Variants in CEPT1 observed in about 807,000 individuals in gnomAD.
CEPT1 encodes choline/ethanolamine phosphotransferase 1, also known as choline/ethanolaminephosphotransferase 1.
A neutral mutation model predicts 42.6 loss-of-function variants in CEPT1; 7 were observed. That is an observed-to-expected ratio of 0.16 (90% confidence interval 0.09 to 0.31). The LOEUF (loss-of-function observed/expected upper bound fraction) is 0.31. Ranked by LOEUF, CEPT1 falls within the 10% of genes least tolerant of loss-of-function variation. The probability of loss-of-function intolerance (pLI) is 1.00; values close to 1 mark genes in which losing one functional copy is unlikely to be tolerated. For missense variants in CEPT1, 306 were observed against 502.1 expected, an observed-to-expected ratio of 0.61 and a Z score of 3.73; for synonymous variants, 171 against 171.9, an observed-to-expected ratio of 0.99 and a Z score of 0.04.
At chr1:111,159,299 C>T in intron 2 of CEPT1, 81 bp from the exon 3 acceptor site, 1 of 1,376,918 alleles carries the variant, frequency 7.3e-7, no homozygotes, top group South Asian at 1.3e-5. Context: ...ACTAGCTTTC[C>T]AACCTGCAGG....
At chr1:111,172,731 A>G (rs139540970) in intron 4 of CEPT1, among the ~76,000 whole-genome samples, 243 of 152,310 alleles carry the variant, frequency 1.6e-3, no homozygotes, top group African/African-American at 5.6e-3. Context: ...TCCAGGAGTG[A>G]TGATAGGCAG....
At chr1:111,149,080 A>G (rs954909542) in intron 2 of CEPT1, among the ~76,000 whole-genome samples, 1 of 152,056 alleles carries the variant, frequency 6.6e-6, no homozygotes, top group Non-Finnish European at 1.5e-5. Context: ...GTTTTCATCA[A>G]TTTGTCTGTT....
At position 111,162,236 on chromosome 1, in the gene CEPT1, G is replaced by A. The variant is rs372357665; in HGVS notation, c.629+940G>A. ...GATCAGTCTGGCAGTAAGGCAGAGG[G>A]TAAATTGTAGTAGGCTGTGACAGAA... is the stretch of plus-strand genomic sequence containing the variant. On this transcript the variant is annotated intron_variant, in intron 4 of 8. Coordinates refer to ENST00000357172, the MANE Select transcript of CEPT1 (RefSeq NM_006090.5). Among the ~76,000 whole-genome samples, 271 of 152,342 alleles carry A rather than the reference G, an allele frequency of 1.8e-3. 1 individual carries two copies. Among genetic ancestry groups the A allele is most frequent in the African/African-American group, 6.3e-3 (261 of 41,578 alleles).
intron 4 of CEPT1, 69 bp from the exon 5 acceptor site, chr1:111,174,810 A>T (rs1656596413): frequency 1.1e-6 from 1 of 944,556 alleles, no homozygotes; most frequent in Non-Finnish European, 1.7e-6. Context: ...AATGCTGCTA[A>T]GCTTGCAAGT....
At chr1:111,159,284 T>C (rs1169738310) in intron 2 of CEPT1, 96 bp from the exon 3 acceptor site, 10 of 1,158,562 alleles carry the variant, frequency 8.6e-6, no homozygotes, top group Non-Finnish European at 1.2e-5. Context: ...CTCCCATAGC[T>C]TCCAACTAGC....
intron 2 of CEPT1, 120 bp downstream of exon 2, chr1:111,148,173 T>C: frequency 4.0e-6 from 3 of 741,126 alleles, no homozygotes; most frequent in Non-Finnish European, 6.7e-6. Context: ...TTTTAAAATA[T>C]CACACACACT....
chr1:111,169,626 ATT>A lies in CEPT1; in HGVS notation c.630-5250_630-5249del, dbSNP rs112109864. On this transcript the variant is annotated intron_variant, in intron 4 of 8. Coordinates refer to ENST00000357172, the MANE Select transcript of CEPT1 (RefSeq NM_006090.5). ...TTTTACCAGTTGCTAACTTGCAGAGATTTTCTTTTGCTTTTAATACTTATTGC... is the reference window on the plus strand; with the variant it reads ...TTTTACCAGTTGCTAACTTGCAGAGATTCTTTTGCTTTTAATACTTATTGC... Among the ~76,000 whole-genome samples, 491 of 152,122 alleles carry A rather than the reference ATT, an allele frequency of 3.2e-3. 3 individuals are homozygous for A. Among genetic ancestry groups the A allele is most frequent in the Middle Eastern group, 0.017 (5 of 292 alleles).
At chr1:111,166,644 G>A (rs745652737) in intron 4 of CEPT1, among the ~76,000 whole-genome samples, 1 of 152,120 alleles carries the variant, frequency 6.6e-6, no homozygotes, top group African/African-American at 2.4e-5. Flanking sequence ...GTGTGGTGAG[G>A]CTTGGGACAG....
At chr1:111,184,168 G>A (rs1280535836) in intron 8 of CEPT1, 23 bp from the exon 9 acceptor site, 1 of 1,611,794 alleles carries the variant, frequency 6.2e-7, no homozygotes, top group Non-Finnish European at 8.5e-7. Context: ...AACGGGTGCT[G>A]AGAATGTCTC....
At chr1:111,148,282 A>G (rs938719601) in intron 2 of CEPT1, among the ~76,000 whole-genome samples, 1 of 152,054 alleles carries the variant, frequency 6.6e-6, no homozygotes, top group African/African-American at 2.4e-5. Context: ...GTTAGCAGGG[A>G]TTAACATGTA....
At chr1:111,170,459 C>G (rs1251300583) in intron 4 of CEPT1, among the ~76,000 whole-genome samples, 2 of 152,108 alleles carry the variant, frequency 1.3e-5, no homozygotes, top group Non-Finnish European at 2.9e-5. Context: ...ATTTATAACA[C>G]TTGAATTAAA....
intron 5 of CEPT1, among the ~76,000 whole-genome samples, chr1:111,177,239 C>A (rs187279142): frequency 2.0e-5 from 3 of 152,160 alleles, no homozygotes; most frequent in Non-Finnish European, 2.9e-5. Context: ...GGTGTACTTA[C>A]GTGACAGGAT....
chr1:111,176,811 A>G (rs1386224884), intron 5 of CEPT1, among the ~76,000 whole-genome samples: 1 of 152,218 alleles, frequency 6.6e-6, no homozygotes, highest in African/African-American at 2.4e-5. Flanking sequence ...TCAGAAAGCA[A>G]AAGTGTTACT....
rs1436604496 is a variant in CEPT1, at chr1:111,185,072, T to A, written c.*762T>A. The A allele has an allele frequency of 2.6e-5, 4 of 152,582 alleles. No individual in the cohort carries two copies. Among genetic ancestry groups the A allele is most frequent in the Non-Finnish European group, 5.9e-5 (4 of 68,026 alleles). The allele number at this position is 152,582 out of a possible 1,614,324, so 9.5% of individuals were successfully genotyped here. A position where few individuals can be genotyped will look rare whatever the true frequency, so the allele number is the denominator to read the frequency against. ...AAATTTAAGCAAAATTTATTTCTGT[T>A]CTTTAATAAATAAGAAAATGTGGTC... On this transcript the variant is annotated 3_prime_UTR_variant, in exon 9 of 9. Transcript: ENST00000357172.
Position 111,184,528 on chromosome 1 carries a change from G to A in CEPT1, c.*218G>A, listed in dbSNP as rs1657161265. ...GTATATGTTGTCATGCAGGGTTTGGGCCAAGAAAGCATGCAGAAAAAAATG... is the reference window on the plus strand; with the variant it reads ...GTATATGTTGTCATGCAGGGTTTGGACCAAGAAAGCATGCAGAAAAAAATG... On this transcript the variant is annotated 3_prime_UTR_variant, in exon 9 of 9. Transcript: ENST00000357172. 2.7e-6 allele frequency: 1 copy of A among 366,312 alleles called. No homozygotes were observed. The highest frequency in any genetic ancestry group is 5.1e-5 in the East Asian group (1 of 19,760). The allele number at this position is 366,312 out of a possible 1,614,324, so 22.7% of individuals were successfully genotyped here.
Position 111,147,984 on chromosome 1 carries a change from C to A in CEPT1, c.270C>A (p.Ile90=). Residue 90 remains isoleucine, a synonymous_variant, in exon 2 of 9, where the codon ATC becomes ATA. Transcript: ENST00000357172. ...GGATTGCCCCAAATCTCATCACCAT[C>A]ATTGGACTGTCAATAAACATCTGTA... ...PSWIAPNLIT[I]IGLSINICTT... The A allele has an allele frequency of 5.6e-6, 9 of 1,614,176 alleles. No individual in the cohort carries two copies. The highest frequency in any genetic ancestry group is 7.6e-6 in the Non-Finnish European group (9 of 1,180,012).
At chr1:111,174,662 A>G (rs946357627) in intron 4 of CEPT1, among the ~76,000 whole-genome samples, 2 of 151,188 alleles carry the variant, frequency 1.3e-5, no homozygotes, top group African/African-American at 4.9e-5. Context: ...AGGGGTTTTT[A>G]TTGCTCTTTG....
intron 6 of CEPT1, 30 bp from the exon 7 acceptor site, chr1:111,182,769 A>C (rs1657054324): frequency 6.3e-7 from 1 of 1,583,246 alleles, no homozygotes; most frequent in Non-Finnish European, 8.6e-7. Context: ...AGTACTGAAT[A>C]CTATTAACTC....
At chr1:111,143,823 A>C (rs936497457) in intron 1 of CEPT1, among the ~76,000 whole-genome samples, 3 of 151,898 alleles carry the variant, frequency 2.0e-5, no homozygotes, top group African/African-American at 4.8e-5. Flanking sequence ...CTGCAGCCTC[A>C]ACCTCCCGGG....
Sources: gnomAD v4.1 joint callset for allele counts (sites outside exome capture counted in the v4.1 genomes callset) on GRCh38, gnomAD v4.1.1 for gene constraint, MANE v1.5 for transcripts, NCBI Gene and HGNC (gene_info 2026-07-23, HGNC 2026-07-21) for gene names.